The following ENPP1 variants were observed in gnomAD, a reference collection of about 807,000 sequenced individuals.
ENPP1 encodes the protein ectonucleotide pyrophosphatase/phosphodiesterase family member 1.
ENPP1 carries 73 observed loss-of-function variants against 122.8 expected under a neutral mutation model. The ratio of observed to expected loss-of-function variants is 0.59; its 90% CI spans 0.49 to 0.72. ENPP1 has a LOEUF of 0.72. Ranked by LOEUF, ENPP1 falls within the 30% of genes least tolerant of loss-of-function variation. The pLI is 0.00. For missense variants in ENPP1, 978 were observed against 1,128.1 expected (o/e 0.87, Z 1.91); for synonymous variants, 367 against 391.6 (o/e 0.94, Z 0.74).
chr6:131,855,050 G>A, intron 6 of ENPP1, 27 bp downstream of exon 6: 3 of 1,412,818 alleles, frequency 2.1e-6, no homozygotes, highest in Non-Finnish European at 3.0e-6. Flanking sequence ...TTTACTGCTG[G>A]AATATCACCA....
intron 20 of ENPP1, among the ~76,000 whole-genome samples, chr6:131,881,692 G>GCTAA (rs1782310238): frequency 6.6e-6 from 1 of 152,080 alleles, no homozygotes; most frequent in Admixed American, 6.5e-5. Context: ...GACCATCCTG[G>GCTAA]CTAACATGGT....
At chr6:131,813,389 G>T (rs1389275753) in intron 1 of ENPP1, among the ~76,000 whole-genome samples, 1 of 151,930 alleles carries the variant, frequency 6.6e-6, no homozygotes, top group Non-Finnish European at 1.5e-5. Context: ...AATTAGCAGG[G>T]CATGGTAGTA....
Position 131,893,029 on chromosome 6 carries a change from TC to T in ENPP1, c.*2520del, listed in dbSNP as rs1782491247. 6.6e-6 allele frequency: 1 copy of T among 152,230 alleles called. No individual in the cohort carries two copies. The highest frequency in any genetic ancestry group is 6.5e-5 in the Admixed American group (1 of 15,286). 9.4% of individuals were successfully genotyped at this position (152,230 alleles called of 1,614,324 possible). A position where few individuals can be genotyped will look rare whatever the true frequency, so the allele number is the denominator to read the frequency against. On this transcript the variant is annotated 3_prime_UTR_variant, in exon 25 of 25. Transcript: ENST00000647893. Reference sequence around the variant, plus strand: ...AGTGTTGTTACTTGGGCCCCAATGTTCCTAGCCTATTTTCTGTCTACTATTC... The same window carrying T: ...AGTGTTGTTACTTGGGCCCCAATGTTCTAGCCTATTTTCTGTCTACTATTC...
At chr6:131,885,264 T>TA in intron 23 of ENPP1, among the ~76,000 whole-genome samples, 1 of 152,308 alleles carries the variant, frequency 6.6e-6, no homozygotes, top group Admixed American at 6.5e-5. Flanking sequence ...TATTTTTAGG[T>TA]AAAAAAGTAG....
At chr6:131,845,040 ATGGTT>A (rs1275597604) in intron 1 of ENPP1, among the ~76,000 whole-genome samples, 8 of 116,100 alleles carry the variant, frequency 6.9e-5, no homozygotes, top group Non-Finnish European at 1.0e-4. Context: ...TCAATTCTTC[ATGGTT>A]TTTTTTTTTT....
chr6:131,852,373 A>G (rs1172374126), intron 5 of ENPP1, 138 bp downstream of exon 5: 1 of 649,134 alleles, frequency 1.5e-6, no homozygotes, highest in Non-Finnish European at 2.7e-6. Flanking sequence ...TTTATCCAAA[A>G]TGTTTGGTAT....
Position 131,827,216 on chromosome 6 carries a change from A to C in ENPP1, c.240+18941A>C, listed in dbSNP as rs564090025. 41 of 884,252 alleles carry C rather than the reference A, an allele frequency of 4.6e-5. No homozygotes were observed. The African/African-American group carries it at 6.6e-4, about 14-fold the overall frequency. The allele number at this position is 884,252 out of a possible 1,614,324, so 54.8% of individuals were successfully genotyped here. On this transcript the variant is annotated intron_variant, in intron 1 of 24. Coordinates refer to ENST00000647893, the MANE Select transcript of ENPP1 (RefSeq NM_006208.3). ...TCAGTTTCTCAACTGTCCATTCATT[A>C]CTGAGGTTGATCTGTTTCAGTTTGT...
chr6:131,892,645 G>A lies in ENPP1; in HGVS notation c.*2134G>A, dbSNP rs1313594402. The A allele has an allele frequency of 6.6e-6, 1 of 152,126 alleles. No homozygotes were observed. Among genetic ancestry groups the A allele is most frequent in the Non-Finnish European group, 1.5e-5 (1 of 68,016 alleles). The allele number at this position is 152,126 out of a possible 1,614,324, so 9.4% of individuals were successfully genotyped here. ...ACAAACATACACAATTTAACTCAAA[G>A]CATCTTAGCAGAGCTTAATTAAATG... On this transcript the variant is annotated 3_prime_UTR_variant, in exon 25 of 25. Transcript: ENST00000647893.
chr6:131,845,611 C>T (rs1001323255), intron 1 of ENPP1, among the ~76,000 whole-genome samples: 2 of 151,684 alleles, frequency 1.3e-5, no homozygotes, highest in African/African-American at 4.8e-5. Context: ...GCGTGCATCA[C>T]CATGCTGGGC....
intron 1 of ENPP1, among the ~76,000 whole-genome samples, chr6:131,814,535 C>G (rs966349107): frequency 1.3e-5 from 2 of 152,166 alleles, no homozygotes; most frequent in African/African-American, 4.8e-5. Context: ...TTATAAGAGG[C>G]AGAAGCTGGC....
intron 12 of ENPP1, among the ~76,000 whole-genome samples, chr6:131,868,616 AT>A (rs976138514): frequency 1.3e-5 from 2 of 151,886 alleles, no homozygotes; most frequent in African/African-American, 4.8e-5. Context: ...ATTAAAAAAA[AT>A]TTTTTTTGGT....
intron 24 of ENPP1, 85 bp downstream of exon 24, chr6:131,886,809 T>C: frequency 8.4e-7 from 1 of 1,189,980 alleles, no homozygotes; most frequent in Middle Eastern, 2.0e-4. Flanking sequence ...GACATTACAG[T>C]GAGAGAAAGC....
At chr6:131,885,542 C>T (rs568584278) in intron 23 of ENPP1, among the ~76,000 whole-genome samples, 34 of 152,142 alleles carry the variant, frequency 2.2e-4, no homozygotes, top group Non-Finnish European at 3.5e-4. Flanking sequence ...AAAAAGCAAC[C>T]GTCTGAAGGA....
At chr6:131,872,484 C>T (rs572488169) in intron 14 of ENPP1, among the ~76,000 whole-genome samples, 29 of 152,144 alleles carry the variant, frequency 1.9e-4, no homozygotes, top group Admixed American at 5.2e-4. Flanking sequence ...TGTACTAGTG[C>T]TGAGTTATCT....
chr6:131,808,346 G>C (rs1316811079), intron 1 of ENPP1, 71 bp downstream of exon 1: 4 of 1,411,556 alleles, frequency 2.8e-6, no homozygotes, highest in African/African-American at 1.5e-5. Flanking sequence ...GAGCTCCTGC[G>C]CTCTCAGCGC....
At chr6:131,877,866 A>AATATATATATATATATATATAT (rs35142604) in intron 18 of ENPP1, 4 of 53,026 alleles carry the variant, frequency 7.5e-5, no homozygotes, top group African/African-American at 9.3e-5. Flanking sequence ...AAAAAAAAAA[A>AATATATATATATATATATATAT]ATATATATAT....
intron 1 of ENPP1, among the ~76,000 whole-genome samples, 166 bp from the exon 2 acceptor site, chr6:131,847,610 G>A (rs1781825360): frequency 6.6e-6 from 1 of 152,190 alleles, no homozygotes; most frequent in South Asian, 2.1e-4. Context: ...GGAGGCTGAG[G>A]CAGGAGGATC....
At chr6:131,821,523 C>T (rs7756163) in intron 1 of ENPP1, among the ~76,000 whole-genome samples, 99,397 of 152,026 alleles carry the variant, frequency 0.65, 33,078 homozygotes, top group East Asian at 0.82. Flanking sequence ...GAACATGGCA[C>T]AGTCTCCTCC....
intron 14 of ENPP1, 91 bp downstream of exon 14, chr6:131,872,192 A>G: frequency 1.1e-6 from 1 of 894,120 alleles, no homozygotes; most frequent in Non-Finnish European, 1.8e-6. Flanking sequence ...ATTGGGATTG[A>G]AGGATTAGAA....
Sources: allele counts gnomAD v4.1 joint callset (sites outside exome capture counted in the v4.1 genomes callset), GRCh38; gene constraint gnomAD v4.1.1; transcripts MANE v1.5; gene names NCBI Gene and HGNC (gene_info 2026-07-23, HGNC 2026-07-21).